The following PRORP variants were observed in gnomAD, a reference collection of about 807,000 sequenced individuals.
The protein encoded by PRORP is protein only RNase P catalytic subunit, also known as mitochondrial ribonuclease P catalytic subunit.
A neutral mutation model predicts 59.4 loss-of-function variants in PRORP; 51 were observed. The observed-to-expected ratio is 0.86, with a 90% CI of 0.69 to 1.08. The LOEUF is 1.08. PRORP is among the 50% of genes least tolerant of loss of function. The probability of loss-of-function intolerance (pLI) is 0.00; values close to 1 mark genes in which losing one functional copy is unlikely to be tolerated. For missense variants in PRORP, 646 were observed against 690.3 expected (o/e 0.94, Z 0.72); for synonymous variants, 231 against 245.6 (o/e 0.94, Z 0.55).
chr14:35,216,134 ATATT>A (rs1339552706), intron 5 of PRORP, among the ~76,000 whole-genome samples: 2 of 147,772 alleles, frequency 1.4e-5, no homozygotes, highest in East Asian at 3.9e-4. Context: ...AATATATAAT[ATATT>A]TATATAATAC....
chr14:35,170,129 T>C (rs909776200), intron 4 of PRORP, among the ~76,000 whole-genome samples: 8 of 152,210 alleles, frequency 5.3e-5, no homozygotes, highest in African/African-American at 1.9e-4. Context: ...CCAAGTTTCT[T>C]AAGCTTATTG....
intron 4 of PRORP, among the ~76,000 whole-genome samples, chr14:35,136,055 A>G (rs956533307): frequency 1.9e-4 from 29 of 152,232 alleles, no homozygotes; most frequent in African/African-American, 7.0e-4. Flanking sequence ...TGAAAAGGAT[A>G]AGATTGAGGC....
chr14:35,259,591 A>T (rs1321005027), intron 5 of PRORP, among the ~76,000 whole-genome samples: 2 of 151,954 alleles, frequency 1.3e-5, no homozygotes, highest in Admixed American at 1.3e-4. Flanking sequence ...ATGGCTTTTT[A>T]AAATCTATAG....
intron 4 of PRORP, among the ~76,000 whole-genome samples, chr14:35,171,745 C>A (rs2048316508): frequency 6.6e-6 from 1 of 152,000 alleles, no homozygotes; most frequent in African/African-American, 2.4e-5. Flanking sequence ...TTACTCTATC[C>A]TTTCTATCCT....
chr14:35,263,346 T>C (rs2050954358), intron 5 of PRORP, among the ~76,000 whole-genome samples: 1 of 152,190 alleles, frequency 6.6e-6, no homozygotes, highest in Non-Finnish European at 1.5e-5. Flanking sequence ...CCATCCAATG[T>C]GTGTAGAGCC....
chr14:35,273,682 A>G lies in PRORP; in HGVS notation c.*116A>G, dbSNP rs1339648987. 1.2e-6 allele frequency: 1 copy of G among 860,382 alleles called. No individual in the cohort carries two copies. Among genetic ancestry groups the G allele is most frequent in the Non-Finnish European group, 1.7e-6 (1 of 594,378 alleles). 53.3% of individuals were successfully genotyped at this position (860,382 alleles called of 1,614,324 possible). A position where few individuals can be genotyped will look rare whatever the true frequency, so the allele number is the denominator to read the frequency against. On this transcript the variant is annotated 3_prime_UTR_variant, in exon 8 of 8. Coordinates refer to ENST00000534898, the MANE Select transcript of PRORP (RefSeq NM_014672.4). ...TCTGTCCTGAAGATAAAAGGATTCT[A>G]TTAACAGCATTGACATTGATTTTTT...
intron 4 of PRORP, among the ~76,000 whole-genome samples, chr14:35,178,884 G>A (rs1401582662): frequency 1.3e-5 from 2 of 152,168 alleles, no homozygotes; most frequent in African/African-American, 4.8e-5. Flanking sequence ...GGTACCGGTT[G>A]TATCTTTCCA....
At chr14:35,180,124 A>G (rs2048563704) in intron 4 of PRORP, among the ~76,000 whole-genome samples, 1 of 152,164 alleles carries the variant, frequency 6.6e-6, no homozygotes, top group Non-Finnish European at 1.5e-5. Context: ...CGGCCGTGTG[A>G]GGTGTCAGTC....
intron 4 of PRORP, among the ~76,000 whole-genome samples, chr14:35,128,737 G>A (rs1467851870): frequency 6.6e-6 from 1 of 151,720 alleles, no homozygotes; most frequent in African/African-American, 2.4e-5. Flanking sequence ...TTCTTAGTCT[G>A]GCTAAAGGTT....
intron 6 of PRORP, among the ~76,000 whole-genome samples, chr14:35,267,956 A>G (rs1027766895): frequency 6.6e-5 from 10 of 152,186 alleles, no homozygotes; most frequent in Non-Finnish European, 1.2e-4. Context: ...TAGACAAGCA[A>G]GAGGCCTAGA....
intron 4 of PRORP, among the ~76,000 whole-genome samples, chr14:35,131,561 C>T (rs1177907349): frequency 6.8e-6 from 1 of 147,974 alleles, no homozygotes; most frequent in Non-Finnish European, 1.5e-5. Context: ...CAGAGTCTTG[C>T]TCTGTCACCC....
rs757863122 is a variant in PRORP, at chr14:35,266,802, C to T, written c.1351C>T (p.Arg451Trp). ...LVLGRKHMLR[R>W]SSQWSRDEME... Reference sequence around the variant, plus strand: ...CCTAGGCCGGAAGCACATGCTAAGACGGAGTTCCCAGTGGAGTCGGGATGA... The same window carrying T: ...CCTAGGCCGGAAGCACATGCTAAGATGGAGTTCCCAGTGGAGTCGGGATGA... The change falls in exon 6 of 8, where the codon CGG becomes TGG. Residue 451 changes from arginine to tryptophan, a missense_variant. Arg to Trp is a moderately radical substitution (Grantham distance 101). Transcript: ENST00000534898. 5.0e-6 allele frequency: 8 copies of T among 1,614,096 alleles called. No individual in the cohort carries two copies. The highest frequency in any genetic ancestry group is 2.2e-5 in the East Asian group (1 of 44,880).
At chr14:35,183,221 T>TACAC (rs57325498) in intron 5 of PRORP, among the ~76,000 whole-genome samples, 21,591 of 150,570 alleles carry the variant, frequency 0.14, 1,962 homozygotes, top group East Asian at 0.24. Flanking sequence ...CATACATACA[T>TACAC]ACACACACAC....
intron 4 of PRORP, among the ~76,000 whole-genome samples, chr14:35,136,305 A>G (rs1161032191): frequency 6.6e-6 from 1 of 152,310 alleles, no homozygotes; most frequent in East Asian, 1.9e-4. Context: ...GTCACCCTGG[A>G]AAGATGCCAT....
intron 4 of PRORP, among the ~76,000 whole-genome samples, chr14:35,131,545 T>C (rs80063153): frequency 1.3e-5 from 2 of 151,500 alleles, no homozygotes; most frequent in Admixed American, 1.3e-4. Flanking sequence ...TTTTTTTTTT[T>C]TGAGACAGAG....
intron 5 of PRORP, among the ~76,000 whole-genome samples, chr14:35,187,457 A>ATTTTTTTTTTTTTTTTTT: frequency 7.2e-6 from 1 of 139,564 alleles, no homozygotes; most frequent in African/African-American, 2.6e-5. Context: ...ATGGAGTCTC[A>ATTTTTTTTTTTTTTTTTT]CTGTCACCGA....
At chr14:35,261,103 G>A (rs921313662) in intron 5 of PRORP, among the ~76,000 whole-genome samples, 3 of 152,298 alleles carry the variant, frequency 2.0e-5, no homozygotes, top group African/African-American at 7.2e-5. Flanking sequence ...TGGCTAGAGA[G>A]AACAAGCCTT....
At chr14:35,221,456 A>G (rs916666969) in intron 5 of PRORP, among the ~76,000 whole-genome samples, 1 of 152,012 alleles carries the variant, frequency 6.6e-6, no homozygotes, top group Non-Finnish European at 1.5e-5. Context: ...GTATTTCAAC[A>G]TGGATTTTTT....
intron 4 of PRORP, among the ~76,000 whole-genome samples, chr14:35,145,718 CAAAA>C (rs1219200154): frequency 1.8e-5 from 2 of 113,478 alleles, no homozygotes; most frequent in African/African-American, 2.7e-5. Flanking sequence ...GACTCCATCT[CAAAA>C]AAGAAAGAAA....
Sources: allele counts gnomAD v4.1 joint callset (sites outside exome capture counted in the v4.1 genomes callset), GRCh38; gene constraint gnomAD v4.1.1; transcripts MANE v1.5; gene names NCBI Gene and HGNC (gene_info 2026-07-23, HGNC 2026-07-21).